The following UNC79 variants were observed in gnomAD, a reference collection of about 807,000 sequenced individuals.
UNC79 encodes the protein unc-79 subunit of NALCN channel complex, also known as protein unc-79 homolog.
In UNC79, 37 loss-of-function variants were observed where a neutral mutation model predicts 283.1. The ratio of observed to expected loss-of-function variants is 0.13; its 90% CI spans 0.10 to 0.17. The LOEUF is 0.17. UNC79 is among the 10% of genes least tolerant of loss of function. The pLI, the probability that UNC79 is intolerant of heterozygous loss-of-function variation, is 1.00. For missense variants in UNC79, 2,272 were observed against 3,211.1 expected (o/e 0.71, Z 7.07); for synonymous variants, 1,107 against 1,200.2 (o/e 0.92, Z 1.61).
At chr14:93,521,530 G>A (rs972018174) in intron 7 of UNC79, among the ~76,000 whole-genome samples, 1 of 151,756 alleles carries the variant, frequency 6.6e-6, no homozygotes, top group Non-Finnish European at 1.5e-5. Flanking sequence ...CTAGGGCCAA[G>A]GTCTGGAAGT....
intron 1 of UNC79, among the ~76,000 whole-genome samples, chr14:93,436,398 C>T (rs973031902): frequency 2.0e-5 from 3 of 152,052 alleles, no homozygotes; most frequent in African/African-American, 7.2e-5. Flanking sequence ...TTGATTCTGT[C>T]CGATTAGCTA....
chr14:93,614,608 G>A (rs900754814), intron 27 of UNC79, among the ~76,000 whole-genome samples: 1 of 150,876 alleles, frequency 6.6e-6, no homozygotes, highest in African/African-American at 2.4e-5. Flanking sequence ...CATGAGCCAC[G>A]GCGCCCGGCC....
At chr14:93,504,059 A>G (rs2059422763) in intron 7 of UNC79, among the ~76,000 whole-genome samples, 1 of 151,982 alleles carries the variant, frequency 6.6e-6, no homozygotes, top group African/African-American at 2.4e-5. Context: ...TTTTGTCATA[A>G]ATCAAGTGTC....
chr14:93,677,157 A>G (rs2073411451), intron 41 of UNC79, among the ~76,000 whole-genome samples: 1 of 152,166 alleles, frequency 6.6e-6, no homozygotes, highest in African/African-American at 2.4e-5. Context: ...TTTATTTCTA[A>G]TCAGAGAAAT....
chr14:93,505,268 A>G (rs1263877176), intron 7 of UNC79, among the ~76,000 whole-genome samples: 3 of 152,210 alleles, frequency 2.0e-5, no homozygotes, highest in South Asian at 4.1e-4. Flanking sequence ...AAAATCTCTT[A>G]CTATGACTGT....
At chr14:93,635,642 A>T in intron 31 of UNC79, among the ~76,000 whole-genome samples, 1 of 152,198 alleles carries the variant, frequency 6.6e-6, no homozygotes, top group East Asian at 1.9e-4. Context: ...AGAGAGAGAG[A>T]GTGCTAGTCT....
intron 25 of UNC79, among the ~76,000 whole-genome samples, chr14:93,602,696 A>G (rs552370401): frequency 1.3e-5 from 2 of 152,278 alleles, no homozygotes; most frequent in African/African-American, 2.4e-5. Context: ...GCTGATGTGT[A>G]GTGGTGTCAT....
Position 93,493,901 on chromosome 14 carries a change from ATTTT to A in UNC79, c.713-2494_713-2491del, listed in dbSNP as rs71129642. Among the ~76,000 whole-genome samples, 53 of 49,242 alleles carry A rather than the reference ATTTT, an allele frequency of 1.1e-3. 1 individual carries two copies. The highest frequency in any genetic ancestry group is 3.0e-3 in the East Asian group (4 of 1,334). The allele number at this position is 49,242 out of a possible 152,430, so 32.3% of individuals were successfully genotyped here. ...TATATATATATATATATATATATAT[ATTTT>A]TTTTTTTTTTTTTTTGAGATAGAGT... On this transcript the variant is annotated intron_variant, in intron 5 of 48. Coordinates refer to ENST00000555664, the Ensembl canonical transcript of UNC79.
intron 27 of UNC79, among the ~76,000 whole-genome samples, chr14:93,615,720 CAAAAAAAAAAA>C (rs1158073507): frequency 1.1e-3 from 25 of 23,294 alleles, no homozygotes; most frequent in Non-Finnish European, 2.2e-3. Context: ...GACTCCATCT[CAAAAAAAAAAA>C]AAAAAAAAAA....
At chr14:93,619,583 G>A (rs551806918) in intron 29 of UNC79, among the ~76,000 whole-genome samples, 1 of 152,154 alleles carries the variant, frequency 6.6e-6, no homozygotes, top group South Asian at 2.1e-4. Flanking sequence ...CTTTGTGGAA[G>A]TTCACTGGGT....
intron 1 of UNC79, among the ~76,000 whole-genome samples, chr14:93,362,214 A>G (rs1245084345): frequency 2.0e-5 from 3 of 152,062 alleles, no homozygotes; most frequent in Non-Finnish European, 4.4e-5. Flanking sequence ...TGAGTTAGTG[A>G]GGGGTGCTTC....
intron 14 of UNC79, among the ~76,000 whole-genome samples, chr14:93,559,111 TCA>T (rs2062385883): frequency 6.6e-6 from 1 of 152,194 alleles, no homozygotes; most frequent in African/African-American, 2.4e-5. Context: ...CACAGCTGAT[TCA>T]CAGAGACTCC....
rs778400296 is a variant in UNC79 at position 93,641,265 on chromosome 14, T to C, written c.5903+18T>C. The C allele has an allele frequency of 6.2e-7, 1 of 1,603,556 alleles. No homozygotes were observed. The highest frequency in any genetic ancestry group is 8.5e-7 in the Non-Finnish European group (1 of 1,172,890). ...ACGGACAAGTAAGCTCGCACAGTTA[T>C]TTTCTTCACCATGTTTACAGAATTT... On this transcript the variant is annotated intron_variant, in intron 33 of 48. Coordinates refer to ENST00000555664, the Ensembl canonical transcript of UNC79.
intron 1 of UNC79, among the ~76,000 whole-genome samples, chr14:93,394,738 G>T (rs991592301): frequency 6.6e-6 from 1 of 151,968 alleles, no homozygotes; most frequent in Non-Finnish European, 1.5e-5. Flanking sequence ...TAGAGATAGG[G>T]TCTCATTCTG....
intron 1 of UNC79, among the ~76,000 whole-genome samples, chr14:93,414,376 A>C (rs1441199678): frequency 6.6e-6 from 1 of 151,914 alleles, no homozygotes; most frequent in East Asian, 1.9e-4. Context: ...GTTCTGTTCC[A>C]TTGATCTATA....
At chr14:93,510,868 A>G (rs1302013572) in intron 7 of UNC79, among the ~76,000 whole-genome samples, 3 of 152,198 alleles carry the variant, frequency 2.0e-5, no homozygotes, top group Admixed American at 1.3e-4. Context: ...ATTTTCAGGT[A>G]TCTTTATAGC....
intron 1 of UNC79, among the ~76,000 whole-genome samples, chr14:93,337,577 A>T (rs2053605986): frequency 6.6e-6 from 1 of 152,200 alleles, no homozygotes; most frequent in East Asian, 1.9e-4. Flanking sequence ...CTGCCACCTC[A>T]CATGATAGGA....
At chr14:93,391,759 C>T (rs1035214984) in intron 1 of UNC79, among the ~76,000 whole-genome samples, 1 of 151,978 alleles carries the variant, frequency 6.6e-6, no homozygotes, top group Non-Finnish European at 1.5e-5. Context: ...ATGAAGTATT[C>T]CTTCATATTA....
chr14:93,561,671 T>A (rs1330070514), intron 14 of UNC79, among the ~76,000 whole-genome samples: 1 of 151,754 alleles, frequency 6.6e-6, no homozygotes, highest in Non-Finnish European at 1.5e-5. Flanking sequence ...TAAGATTGAG[T>A]ATAAAAATAA....
Sources: allele counts gnomAD v4.1 joint callset (sites outside exome capture counted in the v4.1 genomes callset), GRCh38; gene constraint gnomAD v4.1.1; transcripts MANE v1.5; gene names NCBI Gene and HGNC (gene_info 2026-07-23, HGNC 2026-07-21).